Variants in CPNE4 observed in about 807,000 individuals in gnomAD.
CPNE4 encodes copine-4.
Under a neutral mutation model 67.9 loss-of-function variants are expected in CPNE4, and 25 were observed. The observed-to-expected ratio is 0.37, with a 90% CI of 0.27 to 0.51. The LOEUF is 0.51. Ranked by LOEUF, CPNE4 falls within the 20% of genes least tolerant of loss-of-function variation. The pLI, the probability that CPNE4 is intolerant of heterozygous loss-of-function variation, is 0.93. For missense variants in CPNE4, 464 were observed against 690.8 expected (o/e 0.67, Z 3.68); for synonymous variants, 242 against 244.9 (o/e 0.99, Z 0.11).
intron 2 of CPNE4, among the ~76,000 whole-genome samples, chr3:131,855,436 T>C (rs966054395): frequency 2.6e-5 from 4 of 152,030 alleles, no homozygotes; most frequent in East Asian, 1.9e-4. Flanking sequence ...TTTTCAGCTC[T>C]TGACTTGCCA....
chr3:131,729,070 C>T (rs147592905), intron 2 of CPNE4, among the ~76,000 whole-genome samples: 242 of 152,184 alleles, frequency 1.6e-3, no homozygotes, highest in African/African-American at 5.6e-3. Context: ...GTGATGCTAT[C>T]AGTGGGGAGG....
At chr3:132,015,204 G>A (rs973265538) in intron 1 of CPNE4, among the ~76,000 whole-genome samples, 6 of 151,938 alleles carry the variant, frequency 3.9e-5, no homozygotes, top group African/African-American at 1.5e-4. Flanking sequence ...TCTGGGCTTA[G>A]GTTTTTCTTA....
At chr3:131,790,225 GTTGGT>G (rs2083680765) in intron 2 of CPNE4, among the ~76,000 whole-genome samples, 2 of 152,108 alleles carry the variant, frequency 1.3e-5, no homozygotes, top group African/African-American at 4.8e-5. Flanking sequence ...TTCTCCCTGG[GTTGGT>G]TTGACCTTTA....
chr3:131,596,896 C>T (rs935087908), intron 7 of CPNE4, among the ~76,000 whole-genome samples: 1 of 152,154 alleles, frequency 6.6e-6, no homozygotes, highest in Non-Finnish European at 1.5e-5. Flanking sequence ...TATGCACATC[C>T]TCATTGTTCT....
chr3:131,841,739 C>T (rs1349240283), intron 2 of CPNE4, among the ~76,000 whole-genome samples: 3 of 152,204 alleles, frequency 2.0e-5, no homozygotes, highest in Non-Finnish European at 2.9e-5. Context: ...ATGGACCACC[C>T]ATATCTTCCT....
At chr3:131,976,610 G>A (rs1002381158) in intron 1 of CPNE4, among the ~76,000 whole-genome samples, 4 of 151,910 alleles carry the variant, frequency 2.6e-5, no homozygotes, top group Non-Finnish European at 5.9e-5. Context: ...AAGCTCAGGG[G>A]GAGAAATCAT....
At chr3:131,674,609 A>G (rs1485982400) in intron 6 of CPNE4, among the ~76,000 whole-genome samples, 1 of 152,006 alleles carries the variant, frequency 6.6e-6, no homozygotes, top group Non-Finnish European at 1.5e-5. Context: ...TTATTGGCAT[A>G]TAGTTGCTCA....
chr3:131,870,090 G>T (rs1340007968), intron 2 of CPNE4, among the ~76,000 whole-genome samples: 1 of 152,098 alleles, frequency 6.6e-6, no homozygotes, highest in Non-Finnish European at 1.5e-5. Flanking sequence ...CTATGACTTG[G>T]GGATGATAAA....
intron 1 of CPNE4, among the ~76,000 whole-genome samples, chr3:131,909,444 G>T (rs2088894929): frequency 6.6e-6 from 1 of 152,110 alleles, no homozygotes; most frequent in African/African-American, 2.4e-5. Context: ...GGGGTCAATT[G>T]TCTCATCCTC....
intron 1 of CPNE4, among the ~76,000 whole-genome samples, chr3:131,922,304 T>C (rs1473028509): frequency 6.6e-6 from 1 of 152,200 alleles, no homozygotes; most frequent in Middle Eastern, 3.2e-3. Context: ...TACCACACTT[T>C]CTTTATCCAA....
chr3:131,716,498 A>G (rs918308197), intron 3 of CPNE4, among the ~76,000 whole-genome samples: 1 of 152,146 alleles, frequency 6.6e-6, no homozygotes, highest in African/African-American at 2.4e-5. Flanking sequence ...TACTTGACAA[A>G]CCTGAGCAAT....
intron 9 of CPNE4, among the ~76,000 whole-genome samples, chr3:131,577,997 A>G (rs561385600): frequency 4.7e-4 from 71 of 152,282 alleles, no homozygotes; most frequent in African/African-American, 1.6e-3. Context: ...AAAAATTATA[A>G]GTTGAGTCAT....
chr3:131,890,301 G>A (rs73206041), intron 2 of CPNE4, among the ~76,000 whole-genome samples: 12,774 of 151,732 alleles, frequency 0.084, 613 homozygotes, highest in East Asian at 0.17. Context: ...TTTCTCCAAA[G>A]AAGACATAAA....
intron 3 of CPNE4, among the ~76,000 whole-genome samples, chr3:131,722,045 C>T (rs2081900926): frequency 6.6e-6 from 1 of 152,106 alleles, no homozygotes; most frequent in African/African-American, 2.4e-5. Context: ...GAAAATTAAT[C>T]ACTATATTTT....
intron 3 of CPNE4, among the ~76,000 whole-genome samples, chr3:131,706,790 G>T (rs115937361): frequency 1.3e-5 from 2 of 152,092 alleles, no homozygotes; most frequent in Admixed American, 6.6e-5. Flanking sequence ...CTTAATCCAG[G>T]CATTCGTTTC....
intron 3 of CPNE4, among the ~76,000 whole-genome samples, chr3:131,708,068 T>C (rs2081457678): frequency 8.0e-6 from 1 of 124,752 alleles, no homozygotes; most frequent in South Asian, 3.0e-4. Context: ...CATGTAGAGA[T>C]AATTATAGTC....
intron 7 of CPNE4, among the ~76,000 whole-genome samples, chr3:131,613,510 CT>C (rs1369405114): frequency 2.6e-5 from 4 of 152,188 alleles, no homozygotes; most frequent in African/African-American, 4.8e-5. Context: ...TTTTATGATG[CT>C]CTCTGCAGCT....
chr3:131,600,784 TAG>T (rs1377994848), intron 7 of CPNE4, among the ~76,000 whole-genome samples: 3 of 152,178 alleles, frequency 2.0e-5, no homozygotes, highest in Admixed American at 1.3e-4. Flanking sequence ...TATTATTTAG[TAG>T]AAGGGGCATC....
At chr3:131,608,684 A>G (rs181406720) in intron 7 of CPNE4, among the ~76,000 whole-genome samples, 34 of 152,272 alleles carry the variant, frequency 2.2e-4, no homozygotes, top group Non-Finnish European at 3.7e-4. Context: ...AGAACAGTGA[A>G]GGTCTGTATG....
Sources: allele counts gnomAD v4.1 joint callset (sites outside exome capture counted in the v4.1 genomes callset), GRCh38; gene constraint gnomAD v4.1.1; transcripts MANE v1.5; gene names NCBI Gene and HGNC (gene_info 2026-07-23, HGNC 2026-07-21).